The following CSMD3 variants were observed in gnomAD, a reference collection of about 807,000 sequenced individuals.
CSMD3 encodes CUB and Sushi multiple domains 3, also known as CUB and sushi domain-containing protein 3.
CSMD3 carries 177 observed loss-of-function variants against 435.2 expected under a neutral mutation model. The observed-to-expected ratio is 0.41, with a 90% CI of 0.36 to 0.46. CSMD3 has a LOEUF of 0.46. Among genes scored for constraint, CSMD3 ranks in the 20% least tolerant of loss-of-function variants. The pLI is 0.34. For synonymous variants in CSMD3, 1,656 were observed against 1,520.5 expected, an observed-to-expected ratio of 1.09 and a Z score of -2.07; for missense variants, 4,265 against 4,504.6, an observed-to-expected ratio of 0.95 and a Z score of 1.52.
intron 24 of CSMD3, among the ~76,000 whole-genome samples, chr8:112,557,706 G>T (rs756871659): frequency 1.3e-5 from 2 of 151,908 alleles, no homozygotes; most frequent in African/African-American, 2.4e-5. Flanking sequence ...ACTCCATGGG[G>T]ACAGAAGCTC....
At chr8:112,903,145 T>C (rs1380532460) in intron 10 of CSMD3, among the ~76,000 whole-genome samples, 1 of 120,078 alleles carries the variant, frequency 8.3e-6, no homozygotes, top group Non-Finnish European at 1.7e-5. Context: ...TGGGTGGCAG[T>C]CTTGGCAAAA....
In CSMD3 at chr8:112,690,304, A is replaced by G. The variant is rs374545084; in HGVS notation, c.1973-254T>C. 6.8e-4 allele frequency among the ~76,000 whole-genome samples: 103 copies of G among 152,088 alleles called. 1 individual carries two copies. Among genetic ancestry groups the G allele is most frequent in the African/African-American group, 2.4e-3 (99 of 41,542 alleles). On this transcript the variant is annotated intron_variant, in intron 13 of 70. Transcript: ENST00000297405. Reference sequence around the variant, plus strand: ...CAGAGCTAATGAGGTGCCAGAGGCCATGTACTTAACAGAAAAATTATGATA... The same window carrying G: ...CAGAGCTAATGAGGTGCCAGAGGCCGTGTACTTAACAGAAAAATTATGATA...
intron 22 of CSMD3, among the ~76,000 whole-genome samples, chr8:112,614,906 C>A (rs1452350875): frequency 1.3e-5 from 2 of 151,966 alleles, no homozygotes; most frequent in Non-Finnish European, 2.9e-5. Context: ...TTTTGAACTA[C>A]TCTACAGTTG....
chr8:113,404,072 T>C (rs1475204152), intron 1 of CSMD3, among the ~76,000 whole-genome samples: 1 of 151,386 alleles, frequency 6.6e-6, no homozygotes, highest in Non-Finnish European at 1.5e-5. Context: ...TTCTGTAGAA[T>C]CTCTACAGCG....
intron 4 of CSMD3, among the ~76,000 whole-genome samples, chr8:113,112,434 T>C (rs1397473312): frequency 2.4e-4 from 5 of 21,046 alleles, no homozygotes; most frequent in Non-Finnish European, 2.9e-4. Flanking sequence ...TATATATATA[T>C]ATATATATAT....
At chr8:112,399,507 G>A (rs1333995197) in intron 35 of CSMD3, among the ~76,000 whole-genome samples, 4 of 151,972 alleles carry the variant, frequency 2.6e-5, no homozygotes, top group South Asian at 2.1e-4. Context: ...TGCTCAGCTC[G>A]GCCTCCCAAA....
chr8:112,960,915 A>G (rs1416772377), intron 7 of CSMD3, among the ~76,000 whole-genome samples: 1 of 151,728 alleles, frequency 6.6e-6, no homozygotes, highest in Non-Finnish European at 1.5e-5. Context: ...CAGAACAGCC[A>G]ATACATTTTT....
At chr8:112,644,469 T>C (rs1039840910) in intron 20 of CSMD3, among the ~76,000 whole-genome samples, 4 of 152,208 alleles carry the variant, frequency 2.6e-5, no homozygotes, top group East Asian at 3.9e-4. Context: ...GTAAAAGTTT[T>C]ATGAGTGGTT....
Position 112,658,649 on chromosome 8 carries a change from A to G in CSMD3, c.2817-2308T>C, listed in dbSNP as rs554567588. On this transcript the variant is annotated intron_variant, in intron 17 of 70. Transcript: ENST00000297405. ...GAACACTAAGTTCTTTAAATAAATG[A>G]TCATATACTTAGAAATTGTCAATCT... 3.3e-5 allele frequency among the ~76,000 whole-genome samples: 5 copies of G among 152,282 alleles called. 1 individual carries two copies. The South Asian group carries it at 1.0e-3, about 32-fold the overall frequency.
intron 13 of CSMD3, among the ~76,000 whole-genome samples, chr8:112,770,325 CCCTTCCA>C (rs953475320): frequency 6.6e-6 from 1 of 151,896 alleles, no homozygotes; most frequent in Non-Finnish European, 1.5e-5. Context: ...TTTTTCTTGA[CCCTTCCA>C]CCTTCTGCCA....
chr8:112,782,309 A>C (rs994211580), intron 13 of CSMD3, among the ~76,000 whole-genome samples: 1 of 152,144 alleles, frequency 6.6e-6, no homozygotes, highest in Non-Finnish European at 1.5e-5. Context: ...TGAAGAATGC[A>C]TCAGTCTCCC....
chr8:112,624,773 G>A (rs1834348234), intron 22 of CSMD3, among the ~76,000 whole-genome samples: 1 of 151,882 alleles, frequency 6.6e-6, no homozygotes, highest in Admixed American at 6.6e-5. Flanking sequence ...ATAGCTTTTG[G>A]CAGACTACTA....
intron 1 of CSMD3, among the ~76,000 whole-genome samples, chr8:113,360,953 T>C (rs1481285473): frequency 3.3e-5 from 5 of 152,190 alleles, no homozygotes; most frequent in African/African-American, 1.2e-4. Flanking sequence ...TTTATAAGTA[T>C]TCAAATATCA....
chr8:112,591,171 G>A (rs1216198372), intron 22 of CSMD3, among the ~76,000 whole-genome samples: 3 of 152,006 alleles, frequency 2.0e-5, no homozygotes, highest in African/African-American at 4.8e-5. Context: ...TGAAAAACAA[G>A]TCCTATTCAT....
intron 13 of CSMD3, among the ~76,000 whole-genome samples, chr8:112,713,374 A>G (rs1472942266): frequency 5.3e-5 from 8 of 151,268 alleles, no homozygotes; most frequent in African/African-American, 1.9e-4. Context: ...ATAAATAAAT[A>G]AATAAATAAA....
intron 4 of CSMD3, among the ~76,000 whole-genome samples, chr8:113,164,511 G>T (rs1588184551): frequency 1.3e-5 from 2 of 151,492 alleles, no homozygotes; most frequent in Non-Finnish European, 1.5e-5. Context: ...AAAAATTATG[G>T]AGTAAAAAGA....
At chr8:112,386,230 T>G in intron 36 of CSMD3, among the ~76,000 whole-genome samples, 1 of 152,270 alleles carries the variant, frequency 6.6e-6, no homozygotes, top group East Asian at 1.9e-4. Context: ...ACTTCTTGCT[T>G]CCAGCGCTAT....
intron 3 of CSMD3, among the ~76,000 whole-genome samples, chr8:113,214,236 T>A (rs897941351): frequency 1.3e-5 from 2 of 152,000 alleles, no homozygotes; most frequent in African/African-American, 4.8e-5. Flanking sequence ...TATTTTGTTG[T>A]TTTTTAAATT....
At chr8:112,548,217 T>A (rs983414214) in intron 27 of CSMD3, among the ~76,000 whole-genome samples, 6 of 152,198 alleles carry the variant, frequency 3.9e-5, no homozygotes, top group African/African-American at 1.4e-4. Context: ...GATGGGCATG[T>A]ATGTACTCCG....
Sources: allele counts gnomAD v4.1 joint callset (sites outside exome capture counted in the v4.1 genomes callset), GRCh38; gene constraint gnomAD v4.1.1; transcripts MANE v1.5; gene names NCBI Gene and HGNC (gene_info 2026-07-23, HGNC 2026-07-21).